LMF1: variants seen among roughly 807,000 people sequenced by gnomAD.
The protein encoded by LMF1 is lipase maturation factor 1.
In LMF1, 68 loss-of-function variants were observed where a neutral mutation model predicts 60.6. That is an observed-to-expected ratio of 1.12 (90% CI 0.92 to 1.37). LMF1 has a LOEUF of 1.37. LMF1 is among the 40% of genes most tolerant of loss of function. The pLI is 0.00. For synonymous variants in LMF1, 418 were observed against 324.7 expected, an observed-to-expected ratio of 1.29 and a Z score of -3.09; for missense variants, 948 against 767.2, an observed-to-expected ratio of 1.24 and a Z score of -2.78.
At chr16:856,128 A>G (rs1164594702) in intron 10 of LMF1, 1 of 369,756 alleles carries the variant, frequency 2.7e-6, no homozygotes. Flanking sequence ...CGGGCAGCCA[A>G]GACTGAGGGT....
chr16:854,004 C>T lies in LMF1; in HGVS notation c.*528G>A. The T allele has an allele frequency of 2.2e-6, 1 of 454,162 alleles. No homozygotes were observed. 28.1% of individuals were successfully genotyped at this position (454,162 alleles called of 1,614,324 possible). ...AGGACAGAAAATGGCCCATCCAACC[C>T]CACATCCTGGCCGGGCGTGTCCAGG... is the stretch of plus-strand genomic sequence containing the variant. On this transcript the variant is annotated 3_prime_UTR_variant, in exon 11 of 11. Coordinates refer to ENST00000262301, the MANE Select transcript of LMF1 (RefSeq NM_022773.4).
chr16:877,616 AAGG>A (rs2151711019), intron 6 of LMF1, among the ~76,000 whole-genome samples: 1 of 152,288 alleles, frequency 6.6e-6, no homozygotes, highest in South Asian at 2.1e-4. Context: ...AAAACCCACA[AAGG>A]AGAAGTGAAT....
chr16:930,672 G>A (rs1328173267), intron 3 of LMF1, among the ~76,000 whole-genome samples: 1 of 152,256 alleles, frequency 6.6e-6, no homozygotes, highest in African/African-American at 2.4e-5. Flanking sequence ...AAGAGCAGCC[G>A]TGTGTATTTT....
chr16:910,863 CT>C, intron 4 of LMF1, 67 bp downstream of exon 4: 1 of 1,594,412 alleles, frequency 6.3e-7, no homozygotes, highest in Non-Finnish European at 8.6e-7. Context: ...CTCACCTCTC[CT>C]AGAAGCCTCA....
At chr16:976,393 C>T in intron 1 of LMF1, 1 of 454,122 alleles carries the variant, frequency 2.2e-6, no homozygotes, top group Non-Finnish European at 4.4e-6. Flanking sequence ...GTACACGGCA[C>T]AGCTGTACTG....
Position 853,956 on chromosome 16 carries a change from T to TG in LMF1, c.*575dup. The stretch of plus-strand genomic sequence containing the variant: ...GCATGTGTGGGATGCGTGTAGGCTG[T>TG]GGCGGGGGTGGAGATGAGGGATAGG... On this transcript the variant is annotated 3_prime_UTR_variant, in exon 11 of 11. Transcript: ENST00000262301. 2.2e-6 allele frequency: 1 copy of TG among 453,970 alleles called. No individual in the cohort carries two copies. The highest frequency in any genetic ancestry group is 4.4e-6 in the Non-Finnish European group (1 of 226,736). 28.1% of individuals were successfully genotyped at this position (453,970 alleles called of 1,614,324 possible).
At chr16:930,035 G>C (rs1284717518) in intron 3 of LMF1, among the ~76,000 whole-genome samples, 1 of 150,330 alleles carries the variant, frequency 6.7e-6, no homozygotes, top group Non-Finnish European at 1.5e-5. Context: ...GTGAACGGGG[G>C]CACAGGGCCC....
At chr16:964,031 G>T (rs778709622) in intron 1 of LMF1, 3 of 455,988 alleles carry the variant, frequency 6.6e-6, no homozygotes, top group South Asian at 4.6e-5. Context: ...CCTCTCACAG[G>T]GACCCAGAGC....
chr16:964,189 G>C (rs758336011), intron 1 of LMF1: 3 of 451,330 alleles, frequency 6.6e-6, no homozygotes, highest in Non-Finnish European at 8.9e-6. Context: ...CCAGCTACTC[G>C]GGAGGCTGAG....
chr16:870,725 A>C lies in LMF1; in HGVS notation c.1232+4T>G, dbSNP rs761421444. The C allele has an allele frequency of 6.4e-5, 104 of 1,612,432 alleles. No homozygotes were observed. Among genetic ancestry groups the C allele is most frequent in the Non-Finnish European group, 8.0e-5 (94 of 1,179,742 alleles). On this transcript the variant is annotated splice_donor_region_variant and intron_variant, in intron 8 of 10. Transcript: ENST00000262301. ...TCCGGGGGACGGGGACCCCAGGCTC[A>C]TACCTTCCGAAGGCCCCGTAAGTGT... is the stretch of plus-strand genomic sequence containing the variant.
rs189247199 is a variant in LMF1, at chr16:889,574, G to A, written c.729+3433C>T. Among the ~76,000 whole-genome samples the A allele has an allele frequency of 2.0e-4, 30 of 152,246 alleles. 2 individuals carry two copies. Among genetic ancestry groups the A allele is most frequent in the South Asian group, 1.9e-3 (9 of 4,828 alleles). ...TTTCAGGCTCCTGAAGAGGCTCAGC[G>A]TCCCCTACAGCATAGGGGCAACTTT... On this transcript the variant is annotated intron_variant, in intron 5 of 10. Transcript: ENST00000262301.
chr16:887,653 C>A (rs950884295), intron 5 of LMF1, among the ~76,000 whole-genome samples: 1 of 152,120 alleles, frequency 6.6e-6, no homozygotes, highest in Non-Finnish European at 1.5e-5. Context: ...TCTGTGTGGT[C>A]CGCCCCACGC....
At chr16:955,037 A>G (rs376263187) in intron 1 of LMF1, among the ~76,000 whole-genome samples, 4 of 150,640 alleles carry the variant, frequency 2.7e-5, no homozygotes, top group Admixed American at 6.6e-5. Flanking sequence ...GTGCATACAC[A>G]CACACACATC....
At chr16:936,309 C>T in intron 2 of LMF1, among the ~76,000 whole-genome samples, 1 of 140,282 alleles carries the variant, frequency 7.1e-6, no homozygotes, top group East Asian at 2.2e-4. Context: ...ACCCCGTGGG[C>T]TGAGGAAGGT....
At chr16:910,464 G>A (rs965653726) in intron 4 of LMF1, among the ~76,000 whole-genome samples, 6 of 152,198 alleles carry the variant, frequency 3.9e-5, no homozygotes, top group African/African-American at 1.2e-4. Context: ...AGGAGGCCGC[G>A]CTTTCCCTGA....
chr16:959,488 T>TG (rs1376194526), intron 1 of LMF1, among the ~76,000 whole-genome samples: 3 of 152,126 alleles, frequency 2.0e-5, no homozygotes, highest in African/African-American at 7.2e-5. Flanking sequence ...CCCACAGCAC[T>TG]GAGCATTACA....
intron 5 of LMF1, among the ~76,000 whole-genome samples, chr16:887,849 C>G (rs74004006): frequency 0.062 from 9,434 of 152,220 alleles, 735 homozygotes; most frequent in African/African-American, 0.15. Flanking sequence ...AAAACTCCCC[C>G]TGCAGGTGTG....
At chr16:945,211 CAAAA>C (rs60283096) in intron 2 of LMF1, among the ~76,000 whole-genome samples, 4 of 78,988 alleles carry the variant, frequency 5.1e-5, no homozygotes, top group East Asian at 4.1e-4. Flanking sequence ...GACTCCATCT[CAAAA>C]AAAAAAAAAA....
chr16:918,825 G>A (rs374264029), intron 3 of LMF1, among the ~76,000 whole-genome samples: 1 of 151,848 alleles, frequency 6.6e-6, no homozygotes, highest in Non-Finnish European at 1.5e-5. Context: ...CGACTCTCAC[G>A]CGGGGCCGGC....
Sources: gnomAD v4.1 joint callset for allele counts (sites outside exome capture counted in the v4.1 genomes callset) on GRCh38, gnomAD v4.1.1 for gene constraint, MANE v1.5 for transcripts, NCBI Gene and HGNC (gene_info 2026-07-23, HGNC 2026-07-21) for gene names.